CNTNAP2: variants seen among roughly 807,000 people sequenced by gnomAD.
CNTNAP2 encodes contactin-associated protein-like 2.
A neutral mutation model predicts 155.2 loss-of-function variants in CNTNAP2; 98 were observed. The ratio of observed to expected loss-of-function variants is 0.63; its 90% confidence interval spans 0.54 to 0.75. The LOEUF is 0.75. Among genes scored for constraint, CNTNAP2 ranks in the 30% least tolerant of loss-of-function variants. The probability of loss-of-function intolerance (pLI) is 0.00; values close to 1 mark genes in which losing one functional copy is unlikely to be tolerated. For synonymous variants in CNTNAP2, 651 were observed against 631.2 expected (o/e 1.03, Z -0.47); for missense variants, 1,727 against 1,688.1 (o/e 1.02, Z -0.40).
chr7:147,302,796 T>C (rs1194143446), intron 9 of CNTNAP2, among the ~76,000 whole-genome samples: 4 of 152,242 alleles, frequency 2.6e-5, no homozygotes, highest in Admixed American at 6.5e-5. Flanking sequence ...TACTCTCCTA[T>C]AGCTTTGCCC....
Position 146,344,884 on chromosome 7 carries a change from A to G in CNTNAP2, c.97+227911A>G, listed in dbSNP as rs186898214. On this transcript the variant is annotated intron_variant, in intron 1 of 23. Coordinates refer to ENST00000361727, the MANE Select transcript of CNTNAP2 (RefSeq NM_014141.6). ...AGAAAACACCAAAAAATTACTAAAA[A>G]TTCTGGTAAAATTAATACCCATGAC... is the stretch of plus-strand genomic sequence containing the variant. Among the ~76,000 whole-genome samples the G allele has an allele frequency of 2.2e-3, 341 of 152,332 alleles. 3 individuals are homozygous for G. Among genetic ancestry groups the G allele is most frequent in the African/African-American group, 7.9e-3 (328 of 41,574 alleles).
intron 1 of CNTNAP2, among the ~76,000 whole-genome samples, chr7:146,248,893 A>C (rs747388759): frequency 1.3e-5 from 2 of 152,162 alleles, no homozygotes; most frequent in Non-Finnish European, 2.9e-5. Flanking sequence ...GGGTGCAGGC[A>C]GGCTGAGTCC....
chr7:148,221,351 A>T (rs1688590359), intron 19 of CNTNAP2, among the ~76,000 whole-genome samples: 1 of 152,120 alleles, frequency 6.6e-6, no homozygotes, highest in South Asian at 2.1e-4. Context: ...TGCCTTGCAC[A>T]CTCAGAGGAT....
intron 14 of CNTNAP2, among the ~76,000 whole-genome samples, chr7:147,953,614 G>A (rs531922438): frequency 6.6e-6 from 1 of 152,312 alleles, no homozygotes; most frequent in Admixed American, 6.5e-5. Flanking sequence ...AAGACAAGCT[G>A]TGTTAGTATC....
chr7:146,721,153 A>C (rs1397790604), intron 1 of CNTNAP2, among the ~76,000 whole-genome samples: 3 of 132,692 alleles, frequency 2.3e-5, no homozygotes, highest in East Asian at 2.2e-4. Context: ...TATATATTCT[A>C]TATATATATT....
rs117363226 is a variant in CNTNAP2, at chr7:147,563,952, G to A, written c.1897+1695G>A. Among the ~76,000 whole-genome samples, 35 of 152,170 alleles carry A rather than the reference G, an allele frequency of 2.3e-4. No individual in the cohort carries two copies. The East Asian group carries it at 2.7e-3, about 12-fold the overall frequency. On this transcript the variant is annotated intron_variant, in intron 12 of 23. Transcript: ENST00000361727. ...ACAGAATGAAAGGGAAAATGATGAG[G>A]GCATCAGTGTAGTATGGAAGACATG...
chr7:147,297,271 A>G (rs1002592838), intron 8 of CNTNAP2, among the ~76,000 whole-genome samples: 5 of 152,102 alleles, frequency 3.3e-5, no homozygotes, highest in South Asian at 2.1e-4. Flanking sequence ...CCTCAGATTC[A>G]TTCAGTTATT....
At chr7:146,752,736 G>C (rs916169190) in intron 1 of CNTNAP2, among the ~76,000 whole-genome samples, 3 of 152,142 alleles carry the variant, frequency 2.0e-5, no homozygotes, top group African/African-American at 7.2e-5. Context: ...TTCTTCCAGA[G>C]TTTTTATAGT....
At chr7:147,543,482 C>T (rs851824) in intron 11 of CNTNAP2, among the ~76,000 whole-genome samples, 105,728 of 152,132 alleles carry the variant, frequency 0.69, 36,909 homozygotes, top group Admixed American at 0.73. Flanking sequence ...CCAAAAATGA[C>T]ACCTACCTTA....
intron 14 of CNTNAP2, among the ~76,000 whole-genome samples, chr7:147,946,815 G>T (rs77543940): frequency 0.032 from 4,796 of 152,192 alleles, 270 homozygotes; most frequent in African/African-American, 0.11. Context: ...ACCCTCTAAA[G>T]GTTAGCTGAA....
chr7:148,419,458 C>T lies in CNTNAP2; in HGVS notation c.*3842C>T, dbSNP rs542923838. The T allele has an allele frequency of 6.6e-6, 1 of 152,330 alleles. No homozygotes were observed. The highest frequency in any genetic ancestry group is 1.5e-5 in the Non-Finnish European group (1 of 68,284). 9.4% of individuals were successfully genotyped at this position (152,330 alleles called of 1,614,324 possible). ...TTTTTGTTTTGTTTTGAGACGGAGT[C>T]TTGCTCTGTCCCCCAGGCTGGAGTG... On this transcript the variant is annotated 3_prime_UTR_variant, in exon 24 of 24. Coordinates refer to ENST00000361727, the MANE Select transcript of CNTNAP2 (RefSeq NM_014141.6).
intron 5 of CNTNAP2, among the ~76,000 whole-genome samples, chr7:147,120,592 A>G (rs1250316580): frequency 1.3e-5 from 2 of 151,842 alleles, no homozygotes; most frequent in East Asian, 3.8e-4. Flanking sequence ...TTTTTTTACT[A>G]TTACATTTTA....
At chr7:147,266,062 C>G (rs941632839) in intron 8 of CNTNAP2, among the ~76,000 whole-genome samples, 1 of 152,192 alleles carries the variant, frequency 6.6e-6, no homozygotes, top group East Asian at 1.9e-4. Flanking sequence ...GCTGAACACT[C>G]AAAAGGCCAG....
intron 15 of CNTNAP2, among the ~76,000 whole-genome samples, chr7:148,072,539 A>G (rs761153731): frequency 2.0e-5 from 3 of 152,254 alleles, no homozygotes; most frequent in Non-Finnish European, 4.4e-5. Flanking sequence ...TTAACCTTTT[A>G]AAAAGACAAA....
intron 15 of CNTNAP2, among the ~76,000 whole-genome samples, chr7:148,099,622 C>G (rs560988040): frequency 6.6e-6 from 1 of 152,192 alleles, no homozygotes; most frequent in African/African-American, 2.4e-5. Flanking sequence ...TCTCTACCCT[C>G]ATCTGCGTAG....
At chr7:146,790,946 G>A (rs543340989) in intron 2 of CNTNAP2, among the ~76,000 whole-genome samples, 19 of 151,346 alleles carry the variant, frequency 1.3e-4, no homozygotes, top group Admixed American at 3.3e-4. Flanking sequence ...TTAACTTTAA[G>A]TTCTGGGGTA....
At chr7:146,262,061 G>T (rs1181969535) in intron 1 of CNTNAP2, among the ~76,000 whole-genome samples, 2 of 152,052 alleles carry the variant, frequency 1.3e-5, no homozygotes, top group Non-Finnish European at 2.9e-5. Context: ...GACCCAGAAG[G>T]GTGATAATTT....
At chr7:147,828,726 A>T (rs1798500136) in intron 13 of CNTNAP2, among the ~76,000 whole-genome samples, 1 of 152,210 alleles carries the variant, frequency 6.6e-6, no homozygotes. Flanking sequence ...GCTCAAGTGA[A>T]TGCAGTCTAG....
chr7:148,097,884 A>G (rs762910945), intron 15 of CNTNAP2, among the ~76,000 whole-genome samples: 2 of 152,326 alleles, frequency 1.3e-5, no homozygotes, highest in Admixed American at 1.3e-4. Flanking sequence ...GTGATTGTAT[A>G]TATCACTTTT....
Sources: allele counts gnomAD v4.1 joint callset (sites outside exome capture counted in the v4.1 genomes callset), GRCh38; gene constraint gnomAD v4.1.1; transcripts MANE v1.5; gene names NCBI Gene and HGNC (gene_info 2026-07-23, HGNC 2026-07-21).